The following CMTM8 variants were observed in gnomAD, a reference collection of about 807,000 sequenced individuals.
The protein encoded by CMTM8 is CKLF-like MARVEL transmembrane domain-containing protein 8.
CMTM8 carries 12 observed loss-of-function variants against 18.6 expected under a neutral mutation model. The ratio of observed to expected loss-of-function variants is 0.65; its 90% CI spans 0.41 to 1.05. The LOEUF (loss-of-function observed/expected upper bound fraction) is 1.05. Among genes scored for constraint, CMTM8 ranks in the 50% least tolerant of loss-of-function variants. The pLI is 0.00. For synonymous variants in CMTM8, 87 were observed against 90.6 expected, an observed-to-expected ratio of 0.96 and a Z score of 0.23; for missense variants, 217 against 227.2, an observed-to-expected ratio of 0.95 and a Z score of 0.29.
At chr3:32,352,756 A>C (rs927136221) in intron 1 of CMTM8, among the ~76,000 whole-genome samples, 12 of 152,076 alleles carry the variant, frequency 7.9e-5, no homozygotes, top group African/African-American at 2.4e-4. Flanking sequence ...CTTGATTTGG[A>C]TGCTGGTTAC....
At chr3:32,260,018 C>T (rs116208306) in intron 1 of CMTM8, 53,741 of 1,126,356 alleles carry the variant, frequency 0.048, 1,650 homozygotes, top group African/African-American at 0.11. Context: ...GCACCAGGCC[C>T]AGGAGTACAA....
At chr3:32,267,138 G>A (rs527924416) in intron 1 of CMTM8, among the ~76,000 whole-genome samples, 1 of 152,170 alleles carries the variant, frequency 6.6e-6, no homozygotes, top group African/African-American at 2.4e-5. Flanking sequence ...AGCCCGCATC[G>A]CCAAGTCAAT....
At chr3:32,326,901 C>T (rs1291241635) in intron 1 of CMTM8, among the ~76,000 whole-genome samples, 4 of 152,152 alleles carry the variant, frequency 2.6e-5, no homozygotes, top group African/African-American at 7.2e-5. Context: ...ATGAATCTCT[C>T]AACATGTCTT....
At chr3:32,264,866 A>T (rs1318913863) in intron 1 of CMTM8, among the ~76,000 whole-genome samples, 1 of 152,220 alleles carries the variant, frequency 6.6e-6, no homozygotes, top group Non-Finnish European at 1.5e-5. Flanking sequence ...AGGCCATTAC[A>T]TAATGGTAAA....
chr3:32,273,160 T>TGTGTGTGTGTGTGTAC, intron 1 of CMTM8, among the ~76,000 whole-genome samples: 1 of 151,680 alleles, frequency 6.6e-6, no homozygotes, highest in East Asian at 1.9e-4. Flanking sequence ...TGTGTGTGTG[T>TGTGTGTGTGTGTGTAC]GTACGTGCCC....
At chr3:32,251,931 A>G (rs1011967267) in intron 1 of CMTM8, among the ~76,000 whole-genome samples, 1 of 151,936 alleles carries the variant, frequency 6.6e-6, no homozygotes, top group African/African-American at 2.4e-5. Flanking sequence ...CTCTACAAAA[A>G]ACACAAAAAT....
At chr3:32,352,467 G>C (rs1223324391) in intron 1 of CMTM8, among the ~76,000 whole-genome samples, 2 of 152,204 alleles carry the variant, frequency 1.3e-5, no homozygotes, top group Non-Finnish European at 2.9e-5. Context: ...GCAAGCGGTA[G>C]GCCTAGCCAT....
intron 1 of CMTM8, among the ~76,000 whole-genome samples, chr3:32,274,073 G>T (rs572101071): frequency 9.2e-5 from 14 of 152,082 alleles, no homozygotes; most frequent in Non-Finnish European, 2.1e-4. Context: ...ACTTTGGGAG[G>T]CTGAGATAGG....
intron 1 of CMTM8, among the ~76,000 whole-genome samples, chr3:32,318,145 G>T (rs543139371): frequency 1.3e-5 from 2 of 151,850 alleles, no homozygotes; most frequent in African/African-American, 4.8e-5. Flanking sequence ...AAAGCAACCT[G>T]TGGGATGTCA....
intron 1 of CMTM8, among the ~76,000 whole-genome samples, chr3:32,305,904 A>G (rs1288992910): frequency 6.6e-6 from 1 of 152,218 alleles, no homozygotes; most frequent in Non-Finnish European, 1.5e-5. Flanking sequence ...TTGTGTTAAG[A>G]TATCTCATTC....
intron 1 of CMTM8, among the ~76,000 whole-genome samples, chr3:32,255,797 T>C (rs1327876908): frequency 6.6e-6 from 1 of 152,132 alleles, no homozygotes; most frequent in African/African-American, 2.4e-5. Flanking sequence ...TGATCTTGGC[T>C]CACTGCAGCC....
At chr3:32,313,840 A>G (rs894748152) in intron 1 of CMTM8, among the ~76,000 whole-genome samples, 1 of 152,180 alleles carries the variant, frequency 6.6e-6, no homozygotes, top group East Asian at 1.9e-4. Context: ...TTGTCACACG[A>G]CCAGGAAAGA....
chr3:32,357,514 A>G lies in CMTM8; in HGVS notation c.289A>G (p.Thr97Ala). The change falls in exon 2 of 4, where the codon ACC becomes GCC. Residue 97 changes from threonine to alanine, a missense_variant. By Grantham distance (58) the Thr-to-Ala change is moderately conservative. Coordinates refer to ENST00000307526, the MANE Select transcript of CMTM8 (RefSeq NM_178868.5). Reference sequence around the variant, plus strand: ...CATTATCTACATAACAATGACCTACACCAGGATTCCCCAGGTGCCCTGGAC... The same window carrying G: ...CATTATCTACATAACAATGACCTACGCCAGGATTCCCCAGGTGCCCTGGAC... The part of the protein sequence containing the change: ...FLIIYITMTY[T>A]RIPQVPWTTV... 1 of 1,614,124 alleles carries G rather than the reference A, an allele frequency of 6.2e-7. No homozygotes were observed. The highest frequency in any genetic ancestry group is 8.5e-7 in the Non-Finnish European group (1 of 1,180,008).
intron 1 of CMTM8, among the ~76,000 whole-genome samples, chr3:32,273,234 T>C (rs1213385218): frequency 6.6e-6 from 1 of 151,478 alleles, no homozygotes; most frequent in Non-Finnish European, 1.5e-5. Flanking sequence ...AGTGCTGGGA[T>C]TACAGATGTG....
At chr3:32,293,487 G>T (rs1052793348) in intron 1 of CMTM8, among the ~76,000 whole-genome samples, 3 of 152,220 alleles carry the variant, frequency 2.0e-5, no homozygotes, top group Non-Finnish European at 4.4e-5. Flanking sequence ...GGCGGAGGTT[G>T]CAGTGAGCCA....
intron 1 of CMTM8, among the ~76,000 whole-genome samples, chr3:32,349,076 G>A (rs1458162090): frequency 6.6e-6 from 1 of 151,822 alleles, no homozygotes; most frequent in Non-Finnish European, 1.5e-5. Context: ...TGATGATTTT[G>A]GGGTGGGAAA....
intron 1 of CMTM8, among the ~76,000 whole-genome samples, chr3:32,320,777 AG>A (rs1354850594): frequency 6.6e-6 from 1 of 152,132 alleles, no homozygotes; most frequent in Non-Finnish European, 1.5e-5. Flanking sequence ...GGGTAATATA[AG>A]GGTGCAGGAA....
At chr3:32,345,528 T>C (rs1696581211) in intron 1 of CMTM8, among the ~76,000 whole-genome samples, 1 of 152,176 alleles carries the variant, frequency 6.6e-6, no homozygotes, top group African/African-American at 2.4e-5. Flanking sequence ...TGTATTTAAT[T>C]TTGAAAAGGA....
chr3:32,325,919 T>C (rs1696142220), intron 1 of CMTM8, among the ~76,000 whole-genome samples: 1 of 152,160 alleles, frequency 6.6e-6, no homozygotes, highest in African/African-American at 2.4e-5. Context: ...AGGGGAGGGA[T>C]ATTCCTCTCC....
Sources: allele counts gnomAD v4.1 joint callset (sites outside exome capture counted in the v4.1 genomes callset), GRCh38; gene constraint gnomAD v4.1.1; transcripts MANE v1.5; gene names NCBI Gene and HGNC (gene_info 2026-07-23, HGNC 2026-07-21).